Variants in PATL2 observed in about 807,000 individuals in gnomAD.
PATL2 encodes the protein PAT1 homolog 2.
Under a neutral mutation model 77.0 loss-of-function variants are expected in PATL2, and 73 were observed. The observed-to-expected ratio is 0.95, with a 90% CI of 0.78 to 1.15. PATL2 has a LOEUF of 1.15. PATL2 is among the 50% of genes most tolerant of loss of function. The probability of loss-of-function intolerance (pLI) is 0.00; values close to 1 mark genes in which losing one functional copy is unlikely to be tolerated. For synonymous variants in PATL2, 265 were observed against 257.1 expected (o/e 1.03, Z -0.29); for missense variants, 618 against 655.4 (o/e 0.94, Z 0.62).
rs372636647 is a variant in PATL2, at chr15:44,668,397, G to A, written c.1310C>T (p.Thr437Met). 75 of 1,551,314 alleles carry A rather than the reference G, an allele frequency of 4.8e-5. No individual in the cohort carries two copies. Among genetic ancestry groups the A allele is most frequent in the South Asian group, 3.5e-4 (29 of 84,048 alleles). ...HELLQGLQGL[T>M]LLPPGSSERP... is the part of the protein sequence containing the mutation. ...CTCTGAGGAGCCAGGTGGCAACAGC[G>A]TTAATCCCTGAAGTCCTTGGAGGAG... The change falls in exon 15 of 18, where the codon ACG (threonine) becomes ATG (methionine). Residue 437 changes from threonine to methionine, a missense_variant. Coordinates refer to ENST00000682850, the MANE Select transcript of PATL2 (RefSeq NM_001387263.1).
At chr15:44,669,679 T>G in intron 11 of PATL2, 98 bp downstream of exon 11, 2 of 1,505,428 alleles carry the variant, frequency 1.3e-6, no homozygotes, top group Non-Finnish European at 1.8e-6. Context: ...CTGATCACAC[T>G]TCTTCCTCCT....
chr15:44,698,506 C>T (rs375123125), intron 3 of PATL2, among the ~76,000 whole-genome samples: 18 of 152,054 alleles, frequency 1.2e-4, no homozygotes, highest in African/African-American at 3.9e-4. Flanking sequence ...TCTTTCTATG[C>T]CTGGCTTACT....
intron 3 of PATL2, among the ~76,000 whole-genome samples, chr15:44,679,672 G>A (rs1054718384): frequency 2.7e-5 from 4 of 150,938 alleles, no homozygotes; most frequent in Admixed American, 1.3e-4. Context: ...GATTACAGGC[G>A]TGAGCCACTG....
chr15:44,701,752 GAA>G (rs1481573959), intron 3 of PATL2, among the ~76,000 whole-genome samples: 2 of 141,692 alleles, frequency 1.4e-5, no homozygotes, highest in African/African-American at 5.2e-5. Context: ...AATTTACAAA[GAA>G]AAGAGTTTTA....
At chr15:44,692,581 C>A (rs778171434) in intron 3 of PATL2, among the ~76,000 whole-genome samples, 3 of 152,224 alleles carry the variant, frequency 2.0e-5, no homozygotes, top group African/African-American at 7.2e-5. Context: ...AGAGGAGGAA[C>A]TTTCCCCAGT....
chr15:44,689,263 G>A (rs955456308), intron 3 of PATL2, among the ~76,000 whole-genome samples: 5 of 152,200 alleles, frequency 3.3e-5, no homozygotes, highest in African/African-American at 1.2e-4. Flanking sequence ...ACTGTTGGTG[G>A]AAGTGTAAAT....
chr15:44,695,706 A>G (rs2086489235), intron 3 of PATL2, among the ~76,000 whole-genome samples: 1 of 152,102 alleles, frequency 6.6e-6, no homozygotes, highest in Non-Finnish European at 1.5e-5. Flanking sequence ...TAAACTCAAA[A>G]CAAAAACAGT....
intron 7 of PATL2, 57 bp from the exon 8 acceptor site, chr15:44,672,513 C>T (rs2085741184): frequency 1.3e-6 from 2 of 1,483,052 alleles, no homozygotes; most frequent in Admixed American, 2.0e-5. Flanking sequence ...TCTCTGCCCC[C>T]TCCATTCATT....
At chr15:44,688,305 C>T (rs1307724651) in intron 3 of PATL2, among the ~76,000 whole-genome samples, 1 of 151,214 alleles carries the variant, frequency 6.6e-6, no homozygotes, top group East Asian at 1.9e-4. Context: ...CTATCCCCAT[C>T]AAGCTACCAT....
At chr15:44,705,811 G>T (rs370040980) in intron 3 of PATL2, among the ~76,000 whole-genome samples, 107 of 135,252 alleles carry the variant, frequency 7.9e-4, no homozygotes, top group African/African-American at 1.3e-3. Context: ...TCAAAACATT[G>T]TTTTTTTTTA....
intron 3 of PATL2, among the ~76,000 whole-genome samples, chr15:44,691,453 T>A (rs996890578): frequency 6.6e-6 from 1 of 151,830 alleles, no homozygotes. Context: ...AGGTCAGGAG[T>A]TCGAGACCAG....
chr15:44,701,566 C>T (rs557981316), intron 3 of PATL2, among the ~76,000 whole-genome samples: 2 of 151,500 alleles, frequency 1.3e-5, no homozygotes, highest in African/African-American at 4.9e-5. Context: ...TGTGGTGGTA[C>T]ATGCCTGTTC....
intron 3 of PATL2, among the ~76,000 whole-genome samples, chr15:44,690,201 AGT>A (rs927247828): frequency 1.3e-5 from 2 of 152,138 alleles, no homozygotes; most frequent in Non-Finnish European, 2.9e-5. Flanking sequence ...AAAAAAAGTG[AGT>A]GTTTTCTAAA....
chr15:44,676,307 A>T (rs890914726), intron 4 of PATL2, 168 bp downstream of exon 4: 2 of 655,858 alleles, frequency 3.0e-6, no homozygotes, highest in East Asian at 5.6e-5. Context: ...GAGAAAAATA[A>T]AGCCCAGAAG....
intron 4 of PATL2, 52 bp from the exon 5 acceptor site, chr15:44,675,743 G>A: frequency 6.8e-7 from 1 of 1,460,878 alleles, no homozygotes. Context: ...TCAGCTGTGA[G>A]TCTTGTCTAG....
At chr15:44,674,306 G>T in intron 5 of PATL2, 76 bp from the exon 6 acceptor site, 9 of 1,156,944 alleles carry the variant, frequency 7.8e-6, no homozygotes, top group Non-Finnish European at 9.7e-6. Context: ...TGTTTTTGAG[G>T]TGGTGGGAGG....
chr15:44,672,581 C>T, intron 7 of PATL2, 125 bp from the exon 8 acceptor site: 1 of 899,078 alleles, frequency 1.1e-6, no homozygotes, highest in Non-Finnish European at 1.7e-6. Flanking sequence ...GGTACTTTCC[C>T]AAAGTCAGCC....
At chr15:44,697,944 G>T (rs1376948852) in intron 3 of PATL2, among the ~76,000 whole-genome samples, 4 of 151,580 alleles carry the variant, frequency 2.6e-5, no homozygotes, top group Non-Finnish European at 5.9e-5. Context: ...TTGCTATGTT[G>T]CCCAGGCTGG....
At chr15:44,676,993 C>T in intron 3 of PATL2, 1 of 798,518 alleles carries the variant, frequency 1.3e-6, no homozygotes, top group Non-Finnish European at 1.5e-6. Flanking sequence ...TAGCATCCTC[C>T]ATCCATTGGG....
Sources: allele counts gnomAD v4.1 joint callset (sites outside exome capture counted in the v4.1 genomes callset), GRCh38; gene constraint gnomAD v4.1.1; transcripts MANE v1.5; gene names NCBI Gene and HGNC (gene_info 2026-07-23, HGNC 2026-07-21).